Variants in RAD21L1 observed in about 807,000 individuals in gnomAD.
The protein encoded by RAD21L1 is double-strand-break repair protein rad21-like protein 1.
RAD21L1 carries 47 observed loss-of-function variants against 69.0 expected under a neutral mutation model. The observed-to-expected ratio is 0.68, with a 90% CI of 0.54 to 0.87. The LOEUF (loss-of-function observed/expected upper bound fraction) is 0.87, where lower values mean the gene tolerates loss of function less well. RAD21L1 is among the 40% of genes least tolerant of loss of function. The probability of loss-of-function intolerance (pLI) is 0.00; values close to 1 mark genes in which losing one functional copy is unlikely to be tolerated. For synonymous variants in RAD21L1, 177 were observed against 205.8 expected, an observed-to-expected ratio of 0.86 and a Z score of 1.20; for missense variants, 583 against 647.6, an observed-to-expected ratio of 0.90 and a Z score of 1.08.
chr20:1,234,856 C>T (rs2087463244), intron 5 of RAD21L1, among the ~76,000 whole-genome samples: 1 of 152,176 alleles, frequency 6.6e-6, no homozygotes. Flanking sequence ...CTTCCCGCCT[C>T]AGCCTCCTGA....
rs979541031 is a variant in RAD21L1, at chr20:1,255,867, T to A, written c.*1410T>A. 6.6e-6 allele frequency among the ~76,000 whole-genome samples: 1 copy of A among 152,216 alleles called. No homozygotes were observed. Among genetic ancestry groups the A allele is most frequent in the Non-Finnish European group, 1.5e-5 (1 of 68,034 alleles). Reference sequence around the variant, plus strand: ...GGGCTTCTTTCACTCATAAATGTCTTTGAGACTTATCAAGTGCTTGCATGT... The same window carrying A: ...GGGCTTCTTTCACTCATAAATGTCTATGAGACTTATCAAGTGCTTGCATGT... On this transcript the variant is annotated 3_prime_UTR_variant, in exon 14 of 14. Transcript: ENST00000683101.
intron 5 of RAD21L1, among the ~76,000 whole-genome samples, chr20:1,235,102 T>G (rs73073641): frequency 0.067 from 10,244 of 152,240 alleles, 480 homozygotes; most frequent in East Asian, 0.17. Context: ...TTGATCTTTT[T>G]TTCTGGCATC....
At chr20:1,249,933 G>A (rs569088596) in intron 13 of RAD21L1, among the ~76,000 whole-genome samples, 70 of 151,360 alleles carry the variant, frequency 4.6e-4, no homozygotes, top group African/African-American at 1.6e-3. Context: ...GTATACATGC[G>A]CCATGTTGGT....
At chr20:1,248,513 C>A in intron 12 of RAD21L1, 113 bp from the exon 13 acceptor site, 1 of 553,488 alleles carries the variant, frequency 1.8e-6, no homozygotes, top group Non-Finnish European at 3.2e-6. Flanking sequence ...CTTTATTTGG[C>A]AGGACCCATT....
At chr20:1,231,289 AT>A (rs1482217792) in intron 3 of RAD21L1, among the ~76,000 whole-genome samples, 6 of 152,172 alleles carry the variant, frequency 3.9e-5, no homozygotes, top group Non-Finnish European at 8.8e-5. Context: ...AGAAATTTTG[AT>A]TTTATTAAAT....
At chr20:1,231,646 G>A (rs556829510) in intron 4 of RAD21L1, 27 bp downstream of exon 4, 53 of 1,129,394 alleles carry the variant, frequency 4.7e-5, no homozygotes, top group Admixed American at 2.4e-5. Flanking sequence ...ATTTTCCTTC[G>A]ATTTAATTTT....
intron 13 of RAD21L1, among the ~76,000 whole-genome samples, chr20:1,254,043 C>T (rs1369525261): frequency 2.6e-5 from 4 of 152,286 alleles, no homozygotes; most frequent in Admixed American, 2.6e-4. Context: ...TTATATAACA[C>T]TTCGGAATTC....
intron 5 of RAD21L1, among the ~76,000 whole-genome samples, chr20:1,236,936 G>A (rs917714791): frequency 4.6e-5 from 7 of 152,130 alleles, no homozygotes; most frequent in African/African-American, 1.4e-4. Context: ...ATTGACCAAC[G>A]CTGGCTTTTC....
intron 13 of RAD21L1, among the ~76,000 whole-genome samples, chr20:1,252,079 T>C (rs1411071798): frequency 6.6e-6 from 1 of 152,200 alleles, no homozygotes; most frequent in South Asian, 2.1e-4. Flanking sequence ...TTCCTCTCAC[T>C]GTTATCCTAG....
At chr20:1,239,546 C>T in intron 7 of RAD21L1, 139 bp downstream of exon 7, 1 of 556,586 alleles carries the variant, frequency 1.8e-6, no homozygotes, top group Middle Eastern at 4.3e-4. Flanking sequence ...TGACTGTAGA[C>T]AATATAAAAT....
intron 8 of RAD21L1, among the ~76,000 whole-genome samples, chr20:1,240,647 G>A (rs1323767323): frequency 1.3e-5 from 2 of 152,070 alleles, no homozygotes; most frequent in Non-Finnish European, 2.9e-5. Flanking sequence ...GTTGGACACC[G>A]GACCAGATGA....
intron 13 of RAD21L1, among the ~76,000 whole-genome samples, chr20:1,251,477 C>T (rs2087831968): frequency 6.6e-6 from 1 of 151,180 alleles, no homozygotes; most frequent in African/African-American, 2.4e-5. Flanking sequence ...TGGACTTTCT[C>T]CTTATTATTG....
At chr20:1,234,612 T>A (rs561209469) in intron 5 of RAD21L1, among the ~76,000 whole-genome samples, 20 of 152,366 alleles carry the variant, frequency 1.3e-4, no homozygotes, top group African/African-American at 4.8e-4. Flanking sequence ...TAATATCAAT[T>A]GTAAAATAAT....
At chr20:1,229,629 T>C (rs956367898) in intron 2 of RAD21L1, among the ~76,000 whole-genome samples, 1 of 152,246 alleles carries the variant, frequency 6.6e-6, no homozygotes, top group East Asian at 1.9e-4. Flanking sequence ...CAATTCTGAC[T>C]ACAGAGTTTA....
At chr20:1,232,997 C>G (rs1311633435) in intron 4 of RAD21L1, among the ~76,000 whole-genome samples, 1 of 152,150 alleles carries the variant, frequency 6.6e-6, no homozygotes, top group African/African-American at 2.4e-5. Context: ...GAGGTCACAG[C>G]AAAAAGACAC....
Position 1,231,594 on chromosome 20 carries a change from C to T in RAD21L1, c.343C>T (p.His115Tyr), listed in dbSNP as rs1049749346. Residue 115 changes from histidine (H) to tyrosine (Y), a missense_variant, in exon 4 of 14, where the codon CAT (histidine) becomes TAT (tyrosine). Transcript: ENST00000683101. ...YNAITLPEEF[H>Y]DFDTQNMNAI... is the part of the protein sequence containing the mutation. The stretch of plus-strand genomic sequence containing the variant: ...TGCTATCACATTGCCAGAAGAATTT[C>T]ATGATTTTGACACCCAAAATATGAA... The T allele has an allele frequency of 3.3e-6, 5 of 1,522,814 alleles. No homozygotes were observed. In the African/African-American group the frequency reaches 5.5e-5, roughly 17 times the overall value. 94.3% of individuals were successfully genotyped at this position (1,522,814 alleles called of 1,614,324 possible). A position where few individuals can be genotyped will look rare whatever the true frequency, so the allele number is the denominator to read the frequency against.
intron 13 of RAD21L1, among the ~76,000 whole-genome samples, chr20:1,250,232 C>A (rs561274945): frequency 3.3e-5 from 5 of 150,432 alleles, no homozygotes; most frequent in Non-Finnish European, 7.4e-5. Context: ...ATATGTGCCA[C>A]ATTTTCTTTC....
In RAD21L1 at chr20:1,244,060, C is replaced by A. The variant is rs1568524267; in HGVS notation, c.1198C>A (p.Gln400Lys). 1 of 1,549,756 alleles carries A rather than the reference C, an allele frequency of 6.5e-7. No individual in the cohort carries two copies. The highest frequency in any genetic ancestry group is 8.7e-7 in the Non-Finnish European group (1 of 1,145,686). The stretch of plus-strand genomic sequence containing the variant: ...TGATAATTCAGAGACATCCATGATG[C>A]AAGAGCCAAATTACCAGCAAGAGTT... ...NQNIVETSMM[Q>K]EPNYQQELSK... The change falls in exon 11 of 14, where the codon CAA becomes AAA. Residue 400 changes from glutamine (Q) to lysine (K), a missense_variant. Gln to Lys is a moderately conservative substitution (Grantham distance 53, BLOSUM62 1). Coordinates refer to ENST00000683101, the MANE Select transcript of RAD21L1 (RefSeq NM_001384355.1).
At position 1,240,449 on chromosome 20, in the gene RAD21L1, C is replaced by T. The variant is rs764338703; in HGVS notation, c.856+15C>T. 35 of 1,529,288 alleles carry T rather than the reference C, an allele frequency of 2.3e-5. No individual in the cohort carries two copies. Among genetic ancestry groups the T allele is most frequent in the South Asian group, 3.8e-5 (3 of 78,704 alleles). 94.7% of individuals were successfully genotyped at this position (1,529,288 alleles called of 1,614,324 possible). A position where few individuals can be genotyped will look rare whatever the true frequency, so the allele number is the denominator to read the frequency against. On this transcript the variant is annotated intron_variant, in intron 8 of 13. Transcript: ENST00000683101. Reference sequence around the variant, plus strand: ...TGATATTTCAGGTCAGAGGCATTTACGGTTTTGTTTTAATTTTTAATACAC... The same window carrying T: ...TGATATTTCAGGTCAGAGGCATTTATGGTTTTGTTTTAATTTTTAATACAC...
Sources: gnomAD v4.1 joint callset for allele counts (sites outside exome capture counted in the v4.1 genomes callset) on GRCh38, gnomAD v4.1.1 for gene constraint, MANE v1.5 for transcripts, NCBI Gene and HGNC (gene_info 2026-07-23, HGNC 2026-07-21) for gene names.